The following SLCO5A1 variants were observed in gnomAD, a reference collection of about 807,000 sequenced individuals.
SLCO5A1 encodes the protein organic anion transporter polypeptide-related protein 4.
Under a neutral mutation model 65.1 loss-of-function variants are expected in SLCO5A1, and 39 were observed. The observed-to-expected ratio is 0.60, with a 90% CI of 0.46 to 0.78. The LOEUF (loss-of-function observed/expected upper bound fraction) is 0.78, where lower values mean the gene tolerates loss of function less well. Among genes scored for constraint, SLCO5A1 ranks in the 30% least tolerant of loss-of-function variants. SLCO5A1 has a pLI of 0.00. For missense variants in SLCO5A1, 1,029 were observed against 1,069.4 expected (o/e 0.96, Z 0.53); for synonymous variants, 438 against 415.7 (o/e 1.05, Z -0.65).
chr8:69,675,887 G>A (rs1001539692), intron 9 of SLCO5A1, among the ~76,000 whole-genome samples: 1 of 152,216 alleles, frequency 6.6e-6, no homozygotes, highest in Admixed American at 6.5e-5. Flanking sequence ...AAATAAGCTT[G>A]ATGACAAAGA....
chr8:69,778,228 GGTGTGT>G lies in SLCO5A1; in HGVS notation c.908-16359_908-16354del, dbSNP rs71556783. Among the ~76,000 whole-genome samples, 219 of 143,018 alleles carry G rather than the reference GGTGTGT, an allele frequency of 1.5e-3. 3 individuals carry two copies. The highest frequency in any genetic ancestry group is 4.1e-3 in the African/African-American group (161 of 39,686). 93.8% of individuals were successfully genotyped at this position (143,018 alleles called of 152,430 possible). ...ATTGCATATTTACATATATGTATGG[GGTGTGT>G]GTGTGTGTGTGTGTGTGTGTGTGTG... On this transcript the variant is annotated intron_variant, in intron 2 of 9. Transcript: ENST00000260126.
chr8:69,746,592 G>A (rs1817038445), intron 4 of SLCO5A1, among the ~76,000 whole-genome samples: 1 of 152,150 alleles, frequency 6.6e-6, no homozygotes, highest in Non-Finnish European at 1.5e-5. Context: ...CACATGGGCA[G>A]TACCAAGGCC....
chr8:69,783,796 A>C (rs1370894886), intron 2 of SLCO5A1, among the ~76,000 whole-genome samples: 1 of 152,158 alleles, frequency 6.6e-6, no homozygotes, highest in Non-Finnish European at 1.5e-5. Flanking sequence ...TGTGTGACCT[A>C]TACGGAGAAT....
chr8:69,692,679 A>C (rs1331414893), intron 6 of SLCO5A1, among the ~76,000 whole-genome samples: 1 of 152,148 alleles, frequency 6.6e-6, no homozygotes, highest in Non-Finnish European at 1.5e-5. Context: ...TGACACAAAC[A>C]CACACATTAG....
chr8:69,698,861 G>A (rs528543139), intron 6 of SLCO5A1, among the ~76,000 whole-genome samples: 181 of 152,210 alleles, frequency 1.2e-3, no homozygotes, highest in Admixed American at 5.4e-3. Flanking sequence ...AAAATGAGGA[G>A]TTACCAAATA....
rs547964123 is a variant in SLCO5A1, at chr8:69,709,498, A to T, written c.1424-4269T>A. The stretch of plus-strand genomic sequence containing the variant: ...AGTTTTTCTGTTTTATTTTTCCATT[A>T]TTCTGTAAACATAATGTAATACATA... On this transcript the variant is annotated intron_variant, in intron 5 of 9. Transcript: ENST00000260126. Among the ~76,000 whole-genome samples, 99 of 152,320 alleles carry T rather than the reference A, an allele frequency of 6.5e-4. 1 individual carries two copies. Among genetic ancestry groups the T allele is most frequent in the African/African-American group, 2.4e-3 (98 of 41,588 alleles).
intron 4 of SLCO5A1, among the ~76,000 whole-genome samples, chr8:69,743,279 G>A (rs1017448277): frequency 2.6e-5 from 4 of 152,200 alleles, no homozygotes; most frequent in Non-Finnish European, 4.4e-5. Context: ...TCCAGCATGT[G>A]TGAATATTTT....
At chr8:69,790,654 A>C (rs1008090937) in intron 2 of SLCO5A1, among the ~76,000 whole-genome samples, 1 of 152,288 alleles carries the variant, frequency 6.6e-6, no homozygotes, top group African/African-American at 2.4e-5. Context: ...CTATCTCTAA[A>C]ATAAAAAAAA....
At chr8:69,723,198 T>G (rs1815908167) in intron 5 of SLCO5A1, among the ~76,000 whole-genome samples, 1 of 152,224 alleles carries the variant, frequency 6.6e-6, no homozygotes, top group Non-Finnish European at 1.5e-5. Context: ...TTGTTAATAA[T>G]TTTAATGTTG....
rs762719175 is a variant in SLCO5A1 at position 69,832,429 on chromosome 8, C to G, written c.245G>C (p.Ser82Thr). ...CGCCGAAGTGGACGGGGCAGAGGGA[C>G]TGGGGGCCAACGGGTTCGGGCCTTG... ...LKQGPNPLAP[S>T]PSAPSTSAGL... The change falls in exon 2 of 10, where the codon AGT (serine) becomes ACT (threonine). Residue 82 changes from serine (S) to threonine (T), a missense_variant. Transcript: ENST00000260126. This position sits in a 1 kb window ranked among gnomAD's most constrained non-coding sequence, Gnocchi z 4.5. The G allele has an allele frequency of 1.2e-6, 2 of 1,613,082 alleles. No individual in the cohort carries two copies. The highest frequency in any genetic ancestry group is 1.7e-6 in the Non-Finnish European group (2 of 1,179,604).
chr8:69,751,547 C>CTTT (rs762744953), intron 4 of SLCO5A1, among the ~76,000 whole-genome samples: 69 of 141,262 alleles, frequency 4.9e-4, no homozygotes, highest in African/African-American at 1.8e-3. Flanking sequence ...AAATAATTTT[C>CTTT]TTTTTTTTTT....
At chr8:69,747,832 G>A (rs1157830328) in intron 4 of SLCO5A1, among the ~76,000 whole-genome samples, 1 of 152,208 alleles carries the variant, frequency 6.6e-6, no homozygotes, top group African/African-American at 2.4e-5. Context: ...TCTATGGCCT[G>A]TGAATCTTGC....
chr8:69,722,847 TATAC>T (rs1282307874), intron 5 of SLCO5A1, among the ~76,000 whole-genome samples: 1 of 152,070 alleles, frequency 6.6e-6, no homozygotes, highest in Non-Finnish European at 1.5e-5. Flanking sequence ...TGTGTGAATA[TATAC>T]ATACATATGT....
Position 69,790,225 on chromosome 8 carries a change from A to G in SLCO5A1, c.908-28350T>C, listed in dbSNP as rs1819210127. The stretch of plus-strand genomic sequence containing the variant: ...AAAAAAAAAAAAGGAGTGTAATTGG[A>G]TTGTTTGTAACTCAAAGGATAAATG... On this transcript the variant is annotated intron_variant, in intron 2 of 9. Transcript: ENST00000260126. Among the ~76,000 whole-genome samples, 3 of 149,690 alleles carry G rather than the reference A, an allele frequency of 2.0e-5. No homozygotes were observed. The South Asian group carries it at 6.4e-4, about 32-fold the overall frequency.
chr8:69,805,324 T>C (rs1819945284), intron 2 of SLCO5A1, among the ~76,000 whole-genome samples: 2 of 152,096 alleles, frequency 1.3e-5, no homozygotes, highest in Non-Finnish European at 2.9e-5. Context: ...TGCTACTGAA[T>C]CCCCTGAAAT....
intron 2 of SLCO5A1, among the ~76,000 whole-genome samples, chr8:69,813,730 CG>C (rs1217214309): frequency 6.6e-6 from 1 of 152,122 alleles, no homozygotes; most frequent in Non-Finnish European, 1.5e-5. Context: ...CACATCAAGT[CG>C]GACTGAACAA....
rs962180752 is a variant in SLCO5A1 at position 69,772,910 on chromosome 8, G to A, written c.908-11035C>T. 7.1e-6 allele frequency: 7 copies of A among 985,028 alleles called. No individual in the cohort carries two copies. In the African/African-American group the frequency reaches 1.0e-4, roughly 15 times the overall value. 61.0% of individuals were successfully genotyped at this position (985,028 alleles called of 1,614,324 possible). ...GCATTTTCTTCCAGGAAAGACACATGTAAAACTCACCATGATCCAAGGTTC... is the reference window on the plus strand; with the variant it reads ...GCATTTTCTTCCAGGAAAGACACATATAAAACTCACCATGATCCAAGGTTC... On this transcript the variant is annotated intron_variant, in intron 2 of 9. Coordinates refer to ENST00000260126, the MANE Select transcript of SLCO5A1 (RefSeq NM_030958.3).
At chr8:69,808,982 TA>T in intron 2 of SLCO5A1, among the ~76,000 whole-genome samples, 1 of 152,144 alleles carries the variant, frequency 6.6e-6, no homozygotes, top group Middle Eastern at 3.4e-3. Context: ...TGGGCGCCCA[TA>T]ATCCCAGCTA....
chr8:69,765,232 T>C (rs1278637153), intron 2 of SLCO5A1, among the ~76,000 whole-genome samples: 2 of 151,716 alleles, frequency 1.3e-5, no homozygotes, highest in African/African-American at 4.9e-5. Context: ...ACACACACAA[T>C]GGCACACATA....
Sources: gnomAD v4.1 joint callset for allele counts (sites outside exome capture counted in the v4.1 genomes callset) on GRCh38, gnomAD v4.1.1 for gene constraint, Gnocchi (gnomAD v3.1) non-coding constraint, MANE v1.5 for transcripts, NCBI Gene and HGNC (gene_info 2026-07-23, HGNC 2026-07-21) for gene names.